The following UTRN variants were observed in gnomAD, a reference collection of about 807,000 sequenced individuals.
UTRN encodes the protein utrophin, also known as dystrophin-related protein 1.
UTRN carries 283 observed loss-of-function variants against 463.9 expected under a neutral mutation model. The ratio of observed to expected loss-of-function variants is 0.61; its 90% confidence interval spans 0.55 to 0.67. The LOEUF (loss-of-function observed/expected upper bound fraction) is 0.67, where lower values mean the gene tolerates loss of function less well. Among genes scored for constraint, UTRN ranks in the 30% least tolerant of loss-of-function variants. The pLI, the probability that UTRN is intolerant of heterozygous loss-of-function variation, is 0.00. For synonymous variants in UTRN, 1,442 were observed against 1,431.5 expected, an observed-to-expected ratio of 1.01 and a Z score of -0.17; for missense variants, 3,922 against 4,084.3, an observed-to-expected ratio of 0.96 and a Z score of 1.08.
intron 3 of UTRN, among the ~76,000 whole-genome samples, chr6:144,421,101 G>A (rs1413971499): frequency 6.6e-6 from 1 of 152,058 alleles, no homozygotes; most frequent in East Asian, 1.9e-4. Context: ...TCACCTCCTG[G>A]GTTCAAGCAA....
chr6:144,669,385 CAA>C (rs887452423), intron 51 of UTRN, among the ~76,000 whole-genome samples: 6 of 151,980 alleles, frequency 3.9e-5, no homozygotes, highest in African/African-American at 1.5e-4. Context: ...AAATTATACA[CAA>C]ATGCATATGC....
intron 53 of UTRN, among the ~76,000 whole-genome samples, chr6:144,701,311 A>T (rs1362732995): frequency 4.7e-5 from 7 of 149,954 alleles, no homozygotes; most frequent in Non-Finnish European, 1.0e-4. Flanking sequence ...AAAAATAAGG[A>T]CTTGTAGTAA....
At chr6:144,700,795 A>C (rs1562787543) in intron 53 of UTRN, among the ~76,000 whole-genome samples, 1 of 151,394 alleles carries the variant, frequency 6.6e-6, no homozygotes, top group Non-Finnish European at 1.5e-5. Context: ...GTGCAGTGGC[A>C]TGATCACAGC....
intron 69 of UTRN, among the ~76,000 whole-genome samples, chr6:144,830,600 T>C (rs78534494): frequency 0.058 from 8,884 of 152,302 alleles, 269 homozygotes; most frequent in Middle Eastern, 0.1. Flanking sequence ...ATTATAAACT[T>C]GTCCATCCTG....
chr6:144,803,647 A>G (rs1300920694), intron 65 of UTRN, among the ~76,000 whole-genome samples: 1 of 151,960 alleles, frequency 6.6e-6, no homozygotes, highest in Non-Finnish European at 1.5e-5. Flanking sequence ...ATTTCGTCAC[A>G]CAGTGTAATT....
intron 53 of UTRN, chr6:144,708,172 G>A: frequency 1.9e-6 from 1 of 531,872 alleles, no homozygotes; most frequent in Non-Finnish European, 3.6e-6. Flanking sequence ...CCAATGGAAG[G>A]TTTGGATAGT....
intron 54 of UTRN, among the ~76,000 whole-genome samples, chr6:144,732,265 T>TATATATATATACACATATATATATATAC (rs1788724291): frequency 2.6e-5 from 2 of 78,426 alleles, no homozygotes; most frequent in African/African-American, 1.9e-4. Context: ...TATACACACA[T>TATATATATATACACATATATATATATAC]ATATATATAT....
At position 144,435,952 on chromosome 6, in the gene UTRN, G is replaced by T; in HGVS notation, c.873G>T (p.Glu291Asp). 1 of 1,614,012 alleles carries T rather than the reference G, an allele frequency of 6.2e-7. No homozygotes were observed. The highest frequency in any genetic ancestry group is 1.1e-5 in the South Asian group (1 of 91,074). The change falls in exon 10 of 75, where the codon GAG becomes GAT. Residue 291 changes from glutamate (E) to aspartate (D), a missense_variant. By Grantham distance (45) the Glu-to-Asp change is conservative. Around this residue, in one of 3 missense-constraint regions of UTRN, gnomAD observed 2,349 missense variants for 2,303.8 expected, o/e 1.02. Coordinates refer to ENST00000367545, the MANE Select transcript of UTRN (RefSeq NM_007124.3). ...TTTTACAGAGTACAGCGCCTGAGGAGGAGCATGAGAGTCCCCGAGCTGAAA... is the reference window on the plus strand; with the variant it reads ...TTTTACAGAGTACAGCGCCTGAGGATGAGCATGAGAGTCCCCGAGCTGAAA... ...AINIQSTAPE[E>D]EHESPRAETP...
intron 2 of UTRN, among the ~76,000 whole-genome samples, chr6:144,360,591 C>G (rs1398747352): frequency 6.6e-6 from 1 of 152,224 alleles, no homozygotes; most frequent in Non-Finnish European, 1.5e-5. Context: ...CCCACACCGG[C>G]ATGCCTTTGC....
At chr6:144,414,499 T>G (rs1199551409) in intron 3 of UTRN, among the ~76,000 whole-genome samples, 1 of 152,146 alleles carries the variant, frequency 6.6e-6, no homozygotes, top group African/African-American at 2.4e-5. Context: ...ATTAAAGAAA[T>G]TGAAAAATTT....
chr6:144,490,116 T>A lies in UTRN; in HGVS notation c.4180T>A (p.Leu1394Met), dbSNP rs185090144. The change falls in exon 31 of 75, where the codon TTG becomes ATG. Residue 1394 changes from leucine (L) to methionine (M), a missense_variant. This residue lies in a region of UTRN where 2,349 missense variants were observed against 2,303.8 expected (regional missense o/e 1.02). Transcript: ENST00000367545. ...ISAHELTLEE[L>M]RRNMRSQPLT... ...AGCCCATGAGCTAACCCTAGAGGAG[T>A]TGAGAAGAAATATGCGTTCTCAGCC... 5 of 1,613,010 alleles carry A rather than the reference T, an allele frequency of 3.1e-6. No individual in the cohort carries two copies. Among genetic ancestry groups the A allele is most frequent in the Admixed American group, 1.7e-5 (1 of 59,842 alleles).
chr6:144,486,551 T>A lies in UTRN; in HGVS notation c.3823-997T>A, dbSNP rs369542503. The stretch of plus-strand genomic sequence containing the variant: ...TTATCTTTTTATTTGAGATGGAATC[T>A]TGCTATGTTGCCCAGGCTGGAGTGC... On this transcript the variant is annotated intron_variant, in intron 28 of 74. Transcript: ENST00000367545. Among the ~76,000 whole-genome samples the A allele has an allele frequency of 1.5e-3, 229 of 152,334 alleles. 2 individuals carry two copies. Among genetic ancestry groups the A allele is most frequent in the African/African-American group, 5.2e-3 (216 of 41,588 alleles).
In UTRN at chr6:144,488,829, G is replaced by A. The variant is rs377010591; in HGVS notation, c.4129G>A (p.Ala1377Thr). 4.1e-5 allele frequency: 65 copies of A among 1,592,960 alleles called. No individual in the cohort carries two copies. In the South Asian group the frequency reaches 7.1e-4, roughly 17 times the overall value. ...AGATGCTTTCCAAGTTCCACAGGAA[G>A]CTCAGGTATTGCCGTGCATTTGAGG... The part of the protein sequence containing the change: ...RIDAFQVPQE[A>T]QKIQAEISAH... Residue 1377 changes from alanine (A) to threonine (T), a missense_variant, in exon 30 of 75, where the codon GCT becomes ACT. Ala to Thr is a moderately conservative substitution (Grantham distance 58). Transcript: ENST00000367545.
intron 2 of UTRN, among the ~76,000 whole-genome samples, chr6:144,389,773 A>C (rs1781746990): frequency 1.3e-5 from 2 of 151,872 alleles, no homozygotes; most frequent in Admixed American, 1.3e-4. Context: ...TAATTTTTGT[A>C]TTTTTGCTAG....
chr6:144,499,332 T>C lies in UTRN; in HGVS notation c.4669T>C (p.Ser1557Pro). The change falls in exon 34 of 75, where the codon TCT becomes CCT. Residue 1557 changes from serine (S) to proline (P), a missense_variant. Around this residue, in one of 3 missense-constraint regions of UTRN, gnomAD observed 2,349 missense variants for 2,303.8 expected, o/e 1.02. Coordinates refer to ENST00000367545, the MANE Select transcript of UTRN (RefSeq NM_007124.3). ...RKMKKEAASL[S>P]EWLSATETEL... ...AATGAAGAAAGAGGCTGCTTCTCTC[T>C]CTGAATGGCTTTCTGCTACTGAAAC... 1 of 1,613,958 alleles carries C rather than the reference T, an allele frequency of 6.2e-7. No homozygotes were observed. The highest frequency in any genetic ancestry group is 8.5e-7 in the Non-Finnish European group (1 of 1,179,892).
chr6:144,475,207 G>T (rs1348958258), intron 25 of UTRN, among the ~76,000 whole-genome samples: 1 of 152,224 alleles, frequency 6.6e-6, no homozygotes, highest in African/African-American at 2.4e-5. Flanking sequence ...GTAGCAAGGA[G>T]TTAGGGCTAG....
intron 11 of UTRN, 120 bp downstream of exon 11, chr6:144,437,866 A>G: frequency 9.7e-7 from 1 of 1,036,064 alleles, no homozygotes; most frequent in South Asian, 2.1e-5. Flanking sequence ...TGGAAAAGTA[A>G]GACTCTTTTC....
At chr6:144,728,904 G>A (rs1788213645) in intron 53 of UTRN, among the ~76,000 whole-genome samples, 1 of 152,078 alleles carries the variant, frequency 6.6e-6, no homozygotes, top group Non-Finnish European at 1.5e-5. Context: ...ACTAGTTCTT[G>A]TCAGCTCTTC....
In UTRN at chr6:144,836,456, G is replaced by A. The variant is rs200979885; in HGVS notation, c.9980G>A (p.Arg3327Gln). The change falls in exon 71 of 75, where the codon CGG (arginine) becomes CAG (glutamine). Residue 3327 changes from arginine to glutamine, a missense_variant. Arg to Gln is a conservative substitution (Grantham distance 43). This residue lies in a region of UTRN where 1,309 missense variants were observed against 1,452.6 expected (regional missense o/e 0.90). Transcript: ENST00000367545. ...AAACTCCTCAGGCAGCACAAAGGTC[G>A]GCTGGAGGCTAGGATGCAGATTTTA... is the stretch of plus-strand genomic sequence containing the variant. ...EAKLLRQHKG[R>Q]LEARMQILED... 58 of 1,614,006 alleles carry A rather than the reference G, an allele frequency of 3.6e-5. No homozygotes were observed. Among genetic ancestry groups the A allele is most frequent in the African/African-American group, 3.1e-4 (23 of 75,020 alleles).
Sources: gnomAD v4.1 joint callset for allele counts (sites outside exome capture counted in the v4.1 genomes callset) on GRCh38, gnomAD v4.1.1 for gene constraint, gnomAD v4.1.1 regional missense constraint, MANE v1.5 for transcripts, NCBI Gene and HGNC (gene_info 2026-07-23, HGNC 2026-07-21) for gene names.